Variants in RELCH observed in about 807,000 individuals in gnomAD.
The protein encoded by RELCH is RAB11-binding protein RELCH.
In RELCH, 41 loss-of-function variants were observed where a neutral mutation model predicts 150.3. The observed-to-expected ratio is 0.27, with a 90% CI of 0.21 to 0.35. The LOEUF (loss-of-function observed/expected upper bound fraction) is 0.35, where lower values mean the gene tolerates loss of function less well. Among genes scored for constraint, RELCH ranks in the 10% least tolerant of loss-of-function variants. The probability of loss-of-function intolerance (pLI) is 1.00; values close to 1 mark genes in which losing one functional copy is unlikely to be tolerated. For missense variants in RELCH, 1,092 were observed against 1,467.8 expected, an observed-to-expected ratio of 0.74 and a Z score of 4.18; for synonymous variants, 478 against 531.8, an observed-to-expected ratio of 0.90 and a Z score of 1.39.
intron 10 of RELCH, among the ~76,000 whole-genome samples, chr18:62,237,401 T>A (rs1193944420): frequency 6.6e-6 from 1 of 151,830 alleles, no homozygotes; most frequent in Non-Finnish European, 1.5e-5. Context: ...CAACTATTAT[T>A]GTAGAACTGT....
At chr18:62,300,450 G>A (rs1227517267) in intron 28 of RELCH, 1 of 152,184 alleles carries the variant, frequency 6.6e-6, no homozygotes, top group East Asian at 1.9e-4. Flanking sequence ...AGCACAAGAG[G>A]AAAGTATTTT....
intron 24 of RELCH, among the ~76,000 whole-genome samples, chr18:62,281,753 A>C (rs1038323108): frequency 3.9e-5 from 6 of 152,246 alleles, no homozygotes; most frequent in Admixed American, 3.9e-4. Flanking sequence ...TTTGTTAGTT[A>C]CAGAAAGAAT....
At chr18:62,198,866 C>T (rs1018215304) in intron 1 of RELCH, among the ~76,000 whole-genome samples, 9 of 151,914 alleles carry the variant, frequency 5.9e-5, no homozygotes, top group South Asian at 2.1e-4. Flanking sequence ...TCTTTTTGTA[C>T]GGTATATTTG....
rs1188002132 is a variant in RELCH, at chr18:62,188,024, A to G, written c.519A>G (p.Gly173=). 1.3e-6 allele frequency: 2 copies of G among 1,568,220 alleles called. No individual in the cohort carries two copies. The highest frequency in any genetic ancestry group is 2.3e-5 in the East Asian group (1 of 44,248). The change falls in exon 1 of 29, where the codon GGA becomes GGG. Residue 173 remains glycine (G), a synonymous_variant. Coordinates refer to ENST00000644646, the MANE Select transcript of RELCH (RefSeq NM_001346231.2). The part of the protein sequence containing the change: ...GREPSTASGG[G]QLNRAGSIST... ...AACCGAGTACAGCGTCGGGCGGGGG[A>G]CAGCTCAGTAAGTGGACGCAGCCTG... is the stretch of plus-strand genomic sequence containing the variant.
At chr18:62,233,685 T>C (rs575189066) in intron 10 of RELCH, among the ~76,000 whole-genome samples, 3 of 152,122 alleles carry the variant, frequency 2.0e-5, no homozygotes, top group African/African-American at 4.8e-5. Context: ...CTTCTTTTCC[T>C]TTTTTAGCTT....
At chr18:62,198,917 A>G (rs979259884) in intron 1 of RELCH, among the ~76,000 whole-genome samples, 2 of 152,010 alleles carry the variant, frequency 1.3e-5, no homozygotes, top group African/African-American at 4.8e-5. Flanking sequence ...TATTGTGGCT[A>G]TGTATAATAA....
At chr18:62,303,654 C>G (rs925916589) in intron 28 of RELCH, among the ~76,000 whole-genome samples, 2 of 152,178 alleles carry the variant, frequency 1.3e-5, no homozygotes, top group Non-Finnish European at 2.9e-5. Flanking sequence ...TTCAGCTGGG[C>G]TTTGAAAGAT....
At position 62,305,581 on chromosome 18, in the gene RELCH, G is replaced by A. The variant is rs199979310; in HGVS notation, c.*47G>A. On this transcript the variant is annotated 3_prime_UTR_variant, in exon 29 of 29. Coordinates refer to ENST00000644646, the MANE Select transcript of RELCH (RefSeq NM_001346231.2). The surrounding 1 kb of genome is among the most constrained non-coding windows in gnomAD (Gnocchi z 4.0). ...TAAACACTAAGATGGACCTCAAGCC[G>A]ACTGGTTCCTTGTACTTGAAGTACT... 3.6e-4 allele frequency: 553 copies of A among 1,548,318 alleles called. No homozygotes were observed. Among genetic ancestry groups the A allele is most frequent in the Admixed American group, 8.6e-4 (41 of 47,772 alleles).
intron 23 of RELCH, 25 bp from the exon 24 acceptor site, chr18:62,280,620 GT>G: frequency 6.3e-7 from 1 of 1,579,690 alleles, no homozygotes; most frequent in Non-Finnish European, 8.7e-7. Flanking sequence ...CAAATCTTCA[GT>G]TTCTTTCTGT....
chr18:62,231,125 C>T (rs962546753), intron 8 of RELCH, 69 bp from the exon 9 acceptor site: 2 of 1,075,730 alleles, frequency 1.9e-6, no homozygotes, highest in African/African-American at 3.2e-5. Context: ...TAATACATAA[C>T]TTAAATTTCT....
At chr18:62,210,451 C>A (rs999548053) in intron 1 of RELCH, among the ~76,000 whole-genome samples, 1 of 152,176 alleles carries the variant, frequency 6.6e-6, no homozygotes, top group African/African-American at 2.4e-5. Context: ...AGATTTCTGA[C>A]CCTTTCCTCT....
At chr18:62,283,141 T>G (rs890092951) in intron 25 of RELCH, among the ~76,000 whole-genome samples, 1 of 152,240 alleles carries the variant, frequency 6.6e-6, no homozygotes, top group Non-Finnish European at 1.5e-5. Flanking sequence ...AGGAAATTTT[T>G]GTGTGTTTCT....
intron 26 of RELCH, 44 bp from the exon 27 acceptor site, chr18:62,291,499 A>G (rs774738927): frequency 8.6e-7 from 1 of 1,169,338 alleles, no homozygotes; most frequent in South Asian, 1.3e-5. Context: ...TGTTGGACAT[A>G]CCAATTTGGT....
At chr18:62,285,527 G>A (rs1233548856) in intron 25 of RELCH, 2 of 152,258 alleles carry the variant, frequency 1.3e-5, no homozygotes, top group African/African-American at 4.8e-5. Context: ...AGCTGAGGTG[G>A]GAGGATCACT....
chr18:62,208,650 C>G (rs2039968273), intron 1 of RELCH, among the ~76,000 whole-genome samples: 1 of 152,148 alleles, frequency 6.6e-6, no homozygotes, highest in Non-Finnish European at 1.5e-5. Context: ...CTGCTCCTCT[C>G]CCTCCTTCCA....
chr18:62,187,363 G>A lies in RELCH; in HGVS notation c.-143G>A. ...GCATCCGGATCTCCTGCCTTGGAGC[G>A]TACTCCTTGTCTCTAAGTCGGGAGG... is the stretch of plus-strand genomic sequence containing the variant. On this transcript the variant is annotated 5_prime_UTR_variant, in exon 1 of 29. Coordinates refer to ENST00000644646, the MANE Select transcript of RELCH (RefSeq NM_001346231.2). The A allele has an allele frequency of 2.9e-6, 2 of 688,646 alleles. No individual in the cohort carries two copies. The highest frequency in any genetic ancestry group is 4.5e-6 in the Non-Finnish European group (2 of 441,078). The allele number at this position is 688,646 out of a possible 1,614,324, so 42.7% of individuals were successfully genotyped here.
At chr18:62,212,758 C>T (rs994353832) in intron 2 of RELCH, among the ~76,000 whole-genome samples, 3 of 152,120 alleles carry the variant, frequency 2.0e-5, no homozygotes, top group African/African-American at 7.2e-5. Flanking sequence ...GAACAGTCTA[C>T]GATTGACTAT....
At chr18:62,256,914 A>T (rs2043017968) in intron 13 of RELCH, among the ~76,000 whole-genome samples, 1 of 152,094 alleles carries the variant, frequency 6.6e-6, no homozygotes, top group Non-Finnish European at 1.5e-5. Flanking sequence ...ATGAGGCTGT[A>T]CCAAAAGATG....
chr18:62,258,446 T>G (rs1362192347), intron 14 of RELCH, 66 bp from the exon 15 acceptor site: 1 of 1,324,312 alleles, frequency 7.6e-7, no homozygotes, highest in Non-Finnish European at 1.0e-6. Flanking sequence ...TTATTACTTT[T>G]TATTAAGTGT....
Sources: allele counts gnomAD v4.1 joint callset (sites outside exome capture counted in the v4.1 genomes callset), GRCh38; gene constraint gnomAD v4.1.1; non-coding constraint Gnocchi (gnomAD v3.1); transcripts MANE v1.5; gene names NCBI Gene and HGNC (gene_info 2026-07-23, HGNC 2026-07-21).